The following EYS variants were observed in gnomAD, a reference collection of about 807,000 sequenced individuals.
The protein encoded by EYS is EGF-like photoreceptor maintenance factor.
Under a neutral mutation model 282.1 loss-of-function variants are expected in EYS, and 250 were observed. That is an observed-to-expected ratio of 0.89 (90% confidence interval 0.80 to 0.98). The LOEUF (loss-of-function observed/expected upper bound fraction) is 0.98. Among genes scored for constraint, EYS ranks in the 50% least tolerant of loss-of-function variants. The probability of loss-of-function intolerance (pLI) is 0.00; values close to 1 mark genes in which losing one functional copy is unlikely to be tolerated. For synonymous variants in EYS, 1,355 were observed against 1,282.9 expected, an observed-to-expected ratio of 1.06 and a Z score of -1.20; for missense variants, 4,016 against 3,709.0, an observed-to-expected ratio of 1.08 and a Z score of -2.15.
intron 12 of EYS, among the ~76,000 whole-genome samples, chr6:65,290,515 C>G (rs1156641128): frequency 6.6e-6 from 1 of 151,042 alleles, no homozygotes; most frequent in East Asian, 1.9e-4. Flanking sequence ...ATAAGTAACT[C>G]CAGTAATATA....
rs578011510 is a variant in EYS, at chr6:63,844,317, C to T, written c.7228+19869G>A. Among the ~76,000 whole-genome samples, 37 of 152,234 alleles carry T rather than the reference C, an allele frequency of 2.4e-4. 1 individual carries two copies. The highest frequency in any genetic ancestry group is 7.0e-4 in the African/African-American group (29 of 41,540). On this transcript the variant is annotated intron_variant, in intron 36 of 42. Coordinates refer to ENST00000503581, the MANE Select transcript of EYS (RefSeq NM_001142800.2). ...TGTGAATAGTGCTGCAATGAACATACGCATGCAAGCATCTTTATAATAGAA... is the reference window on the plus strand; with the variant it reads ...TGTGAATAGTGCTGCAATGAACATATGCATGCAAGCATCTTTATAATAGAA...
At chr6:65,131,508 A>C (rs1304027781) in intron 12 of EYS, among the ~76,000 whole-genome samples, 2 of 151,990 alleles carry the variant, frequency 1.3e-5, no homozygotes, top group Non-Finnish European at 2.9e-5. Context: ...ATTAAGGCAG[A>C]AATCACGAAG....
At chr6:64,329,141 A>G (rs1340999921) in intron 29 of EYS, among the ~76,000 whole-genome samples, 1 of 152,158 alleles carries the variant, frequency 6.6e-6, no homozygotes, top group Non-Finnish European at 1.5e-5. Context: ...GAGGCTGGAA[A>G]AAGGACTTTA....
intron 31 of EYS, among the ~76,000 whole-genome samples, chr6:64,163,936 G>C (rs962985536): frequency 1.3e-5 from 2 of 152,080 alleles, no homozygotes; most frequent in Non-Finnish European, 2.9e-5. Flanking sequence ...ATCAGAAAAA[G>C]ACCAATTGTT....
intron 39 of EYS, chr6:63,787,127 G>A (rs1036255270): frequency 6.6e-6 from 1 of 152,332 alleles, no homozygotes. Context: ...ACTAAAGACT[G>A]TGGCAGTTGA....
At chr6:64,541,870 A>G (rs1398203670) in intron 26 of EYS, among the ~76,000 whole-genome samples, 1 of 152,208 alleles carries the variant, frequency 6.6e-6, no homozygotes, top group Non-Finnish European at 1.5e-5. Flanking sequence ...CATATTATCT[A>G]GAGAACTATC....
At chr6:63,727,721 A>ATAT (rs1561997493) in intron 41 of EYS, among the ~76,000 whole-genome samples, 2 of 66,692 alleles carry the variant, frequency 3.0e-5, no homozygotes, top group African/African-American at 2.2e-4. Flanking sequence ...AAAAAAAAAA[A>ATAT]AAAAAAAAAA....
chr6:64,283,116 T>C (rs1023145387), intron 30 of EYS, among the ~76,000 whole-genome samples: 11 of 152,190 alleles, frequency 7.2e-5, no homozygotes, highest in African/African-American at 2.4e-4. Context: ...TACAGGAATA[T>C]ACAATCTTCA....
intron 35 of EYS, among the ~76,000 whole-genome samples, chr6:63,909,040 G>A (rs751039513): frequency 6.6e-6 from 1 of 152,026 alleles, no homozygotes; most frequent in Admixed American, 6.5e-5. Flanking sequence ...AATGTTAAAC[G>A]TGAGGTGAGA....
At chr6:65,243,210 G>T (rs115019919) in intron 12 of EYS, among the ~76,000 whole-genome samples, 6,354 of 152,022 alleles carry the variant, frequency 0.042, 236 homozygotes, top group Non-Finnish European at 0.059. Context: ...GATTTTACAG[G>T]TATACCTCAA....
In EYS at chr6:64,564,268, C is replaced by CTTTTTTTTT. The variant is rs4034161; in HGVS notation, c.5644+25946_5644+25954dup. 3.0e-4 allele frequency among the ~76,000 whole-genome samples: 18 copies of CTTTTTTTTT among 59,386 alleles called. 5 individuals are homozygous for CTTTTTTTTT. The highest frequency in any genetic ancestry group is 4.0e-4 in the Non-Finnish European group (14 of 35,070). The allele number at this position is 59,386 out of a possible 152,430, so 39.0% of individuals were successfully genotyped here. On this transcript the variant is annotated intron_variant, in intron 26 of 42. Transcript: ENST00000503581. Reference sequence around the variant, plus strand: ...TCCTCATCAACACGTATCTTTTGTCCTTTTTTTTTTTTTTTTTTTTTTTTT... The same window carrying CTTTTTTTTT: ...TCCTCATCAACACGTATCTTTTGTCCTTTTTTTTTTTTTTTTTTTTTTTTTTTTTTTTTT...
intron 35 of EYS, among the ~76,000 whole-genome samples, chr6:63,870,925 C>A (rs1772785479): frequency 6.6e-6 from 1 of 152,120 alleles, no homozygotes; most frequent in Admixed American, 6.6e-5. Flanking sequence ...GATTAAATAT[C>A]AAATTCTCCT....
chr6:64,005,419 G>A (rs1768298339), intron 33 of EYS, among the ~76,000 whole-genome samples: 1 of 152,106 alleles, frequency 6.6e-6, no homozygotes, highest in Admixed American at 6.5e-5. Flanking sequence ...CTTACAGGTT[G>A]TCTGTTTACT....
intron 1 of EYS, among the ~76,000 whole-genome samples, chr6:65,683,799 C>T (rs1426097767): frequency 6.6e-6 from 1 of 152,008 alleles, no homozygotes; most frequent in Non-Finnish European, 1.5e-5. Flanking sequence ...GACATATACT[C>T]AGCAGAATGG....
intron 1 of EYS, among the ~76,000 whole-genome samples, chr6:65,657,503 C>G (rs948651123): frequency 6.6e-6 from 1 of 151,808 alleles, no homozygotes; most frequent in African/African-American, 2.4e-5. Flanking sequence ...GAGGGAGTAA[C>G]TGCAGATGTG....
At chr6:65,344,012 AAAG>A in intron 10 of EYS, 23 bp downstream of exon 10, 1 of 1,598,454 alleles carries the variant, frequency 6.3e-7, no homozygotes. Flanking sequence ...AGAAAAATGA[AAAG>A]CAACTACATA....
At chr6:64,557,416 C>T (rs1765267622) in intron 26 of EYS, among the ~76,000 whole-genome samples, 1 of 151,864 alleles carries the variant, frequency 6.6e-6, no homozygotes, top group Non-Finnish European at 1.5e-5. Flanking sequence ...CTACTTCATT[C>T]TCCAAAACAT....
At chr6:64,413,988 C>A (rs574268417) in intron 28 of EYS, among the ~76,000 whole-genome samples, 2 of 152,198 alleles carry the variant, frequency 1.3e-5, no homozygotes, top group South Asian at 4.2e-4. Flanking sequence ...ATCTCTGAAC[C>A]AGGAATTTTG....
At chr6:65,698,944 A>ACC (rs1769555051) in intron 1 of EYS, among the ~76,000 whole-genome samples, 1 of 152,218 alleles carries the variant, frequency 6.6e-6, no homozygotes, top group Non-Finnish European at 1.5e-5. Flanking sequence ...CTAAACTGAT[A>ACC]CAACATAATG....
Sources: allele counts gnomAD v4.1 joint callset (sites outside exome capture counted in the v4.1 genomes callset), GRCh38; gene constraint gnomAD v4.1.1; transcripts MANE v1.5; gene names NCBI Gene and HGNC (gene_info 2026-07-23, HGNC 2026-07-21).